The following FRMD8 variants were observed in gnomAD, a reference collection of about 807,000 sequenced individuals.
FRMD8 encodes the protein FERM domain-containing protein 8.
FRMD8 carries 37 observed loss-of-function variants against 54.2 expected under a neutral mutation model. The observed-to-expected ratio is 0.68, with a 90% CI of 0.53 to 0.90. The LOEUF (loss-of-function observed/expected upper bound fraction) is 0.90, where lower values mean the gene tolerates loss of function less well. FRMD8 is among the 40% of genes least tolerant of loss of function. The pLI is 0.00. For synonymous variants in FRMD8, 246 were observed against 286.9 expected (o/e 0.86, Z 1.44); for missense variants, 585 against 653.7 (o/e 0.89, Z 1.15).
At chr11:65,397,629 G>T (rs886913596) in intron 7 of FRMD8, among the ~76,000 whole-genome samples, 1 of 152,252 alleles carries the variant, frequency 6.6e-6, no homozygotes, top group Non-Finnish European at 1.5e-5. Context: ...GAGAGGACTG[G>T]CCTAAGCCCC....
At chr11:65,370,959 T>G in the FRMD8 span, among the ~76,000 whole-genome samples, 9 of 152,164 alleles carry the variant, frequency 5.9e-5, no homozygotes, top group Non-Finnish European at 1.2e-4. Flanking sequence ...GAGACTCTTT[T>G]GGCATGGCGG....
chr11:65,376,609 A>G, the FRMD8 span: 1 of 1,614,100 alleles, frequency 6.2e-7, no homozygotes, highest in Non-Finnish European at 8.5e-7. Flanking sequence ...GATCATGTCT[A>G]AGGGCGTGGC....
intron 2 of FRMD8, among the ~76,000 whole-genome samples, chr11:65,388,527 C>T (rs1385837816): frequency 2.0e-5 from 3 of 152,160 alleles, no homozygotes; most frequent in Non-Finnish European, 4.4e-5. Flanking sequence ...AGTTGGCCAG[C>T]GACCAGGCAA....
At chr11:65,377,504 G>A in the FRMD8 span, 2 of 796,752 alleles carry the variant, frequency 2.5e-6, no homozygotes, top group Non-Finnish European at 3.1e-6. Flanking sequence ...CCAGGGTGAA[G>A]GAGGTCCCCT....
chr11:65,389,252 G>A, intron 2 of FRMD8, 109 bp from the exon 3 acceptor site: 1 of 1,052,394 alleles, frequency 9.5e-7, no homozygotes, highest in Non-Finnish European at 1.4e-6. Flanking sequence ...CCCCTGAGGG[G>A]TGTAGGGTGG....
chr11:65,382,326 C>T, upstream of FRMD8: 1 of 292,626 alleles, frequency 3.4e-6, no homozygotes, highest in Non-Finnish European at 6.7e-6. The surrounding 1 kb of genome is among the most constrained non-coding windows in gnomAD (Gnocchi z 4.4). Context: ...CCCAGCCAGC[C>T]CAGCTCCACT....
At chr11:65,376,764 C>T in the FRMD8 span, 3 of 1,614,032 alleles carry the variant, frequency 1.9e-6, no homozygotes, top group East Asian at 2.2e-5. Flanking sequence ...CCCCGCTGGA[C>T]CCTGCCTGCT....
At chr11:65,403,619 C>T (rs957051633) in intron 9 of FRMD8, among the ~76,000 whole-genome samples, 2 of 152,160 alleles carry the variant, frequency 1.3e-5, no homozygotes, top group Non-Finnish European at 2.9e-5. Context: ...GATAGGTGTG[C>T]GCAGGCGTCC....
At chr11:65,381,076 A>G in the FRMD8 span, 10 of 153,788 alleles carry the variant, frequency 6.5e-5, no homozygotes, top group African/African-American at 2.4e-4. Context: ...TCTTCTTCCC[A>G]TCGGCCACTC....
At chr11:65,394,876 G>A (rs548310281) in intron 6 of FRMD8, among the ~76,000 whole-genome samples, 4 of 152,348 alleles carry the variant, frequency 2.6e-5, no homozygotes, top group Admixed American at 1.3e-4. Flanking sequence ...CTTGGGTGGC[G>A]AGGATTGAGT....
rs188806568 is a variant in FRMD8, at chr11:65,394,875, C to T, written c.581+450C>T. Among the ~76,000 whole-genome samples, 389 of 152,324 alleles carry T rather than the reference C, an allele frequency of 2.6e-3. 2 individuals carry two copies. Among genetic ancestry groups the T allele is most frequent in the Non-Finnish European group, 4.5e-3 (304 of 68,020 alleles). ...TGTAAATTAGCAGGGCCTTGGGTGG[C>T]GAGGATTGAGTCTGCCCTGCCAAAG... is the stretch of plus-strand genomic sequence containing the variant. On this transcript the variant is annotated intron_variant, in intron 6 of 10. Transcript: ENST00000317568.
chr11:65,376,807 A>G, the FRMD8 span: 3 of 1,614,060 alleles, frequency 1.9e-6, no homozygotes, highest in Non-Finnish European at 1.7e-6. Flanking sequence ...CTCTCACGCC[A>G]CTTTACTTAC....
intron 3 of FRMD8, among the ~76,000 whole-genome samples, chr11:65,391,174 ACTCT>A (rs2137872295): frequency 6.6e-6 from 1 of 152,226 alleles, no homozygotes; most frequent in South Asian, 2.1e-4. Flanking sequence ...TGTCGTTGTC[ACTCT>A]GCGTGGAACA....
At chr11:65,377,338 C>A in the FRMD8 span, 1 of 1,343,858 alleles carries the variant, frequency 7.4e-7, no homozygotes, top group Non-Finnish European at 9.5e-7. Context: ...CTTGCCTGGC[C>A]TACAGCAGGC....
At position 65,404,101 on chromosome 11, in the gene FRMD8, G is replaced by T. The variant is rs1300804669; in HGVS notation, c.1072-763G>T. 6.6e-6 allele frequency among the ~76,000 whole-genome samples: 1 copy of T among 152,188 alleles called. No homozygotes were observed. The highest frequency in any genetic ancestry group is 1.5e-5 in the Non-Finnish European group (1 of 68,012). The stretch of plus-strand genomic sequence containing the variant: ...GGGATTGTAGCTGCCCTGTGGAGAG[G>T]CAGGAGCCAGGCCAGTCTCCGCAGG... On this transcript the variant is annotated intron_variant, in intron 9 of 10. Coordinates refer to ENST00000317568, the MANE Select transcript of FRMD8 (RefSeq NM_031904.5). This position sits in a 1 kb window ranked among gnomAD's most constrained non-coding sequence, Gnocchi z 4.7.
intron 3 of FRMD8, among the ~76,000 whole-genome samples, chr11:65,390,814 C>G (rs1037607467): frequency 6.6e-6 from 1 of 152,278 alleles, no homozygotes; most frequent in African/African-American, 2.4e-5. Flanking sequence ...CTCCTCCTCT[C>G]ACCTCCTCCG....
the FRMD8 span, chr11:65,375,257 A>G: frequency 1.3e-5 from 2 of 152,464 alleles, no homozygotes; most frequent in East Asian, 1.9e-4. Flanking sequence ...GAAACCATCC[A>G]AAGCGCAATC....
chr11:65,387,713 C>T (rs651283), intron 2 of FRMD8, among the ~76,000 whole-genome samples: 67,453 of 151,652 alleles, frequency 0.44, 16,626 homozygotes, highest in Non-Finnish European at 0.56. Flanking sequence ...TAATTTTTTG[C>T]ATTTTTAGTA....
upstream of FRMD8, among the ~76,000 whole-genome samples, chr11:65,384,495 C>T (rs1463911369): frequency 3.3e-5 from 5 of 152,064 alleles, no homozygotes; most frequent in Admixed American, 3.3e-4. Context: ...ATACTCACCT[C>T]TTAGTGAGTT....
Sources: allele counts gnomAD v4.1 joint callset (sites outside exome capture counted in the v4.1 genomes callset), GRCh38; gene constraint gnomAD v4.1.1; non-coding constraint Gnocchi (gnomAD v3.1); transcripts MANE v1.5; gene names NCBI Gene and HGNC (gene_info 2026-07-23, HGNC 2026-07-21).